The following LAMA4 variants were observed in gnomAD, a reference collection of about 807,000 sequenced individuals.
LAMA4 encodes the protein laminin subunit alpha-4.
Under a neutral mutation model 207.1 loss-of-function variants are expected in LAMA4, and 127 were observed. The ratio of observed to expected loss-of-function variants is 0.61; its 90% CI spans 0.53 to 0.71. The LOEUF is 0.71. Ranked by LOEUF, LAMA4 falls within the 30% of genes least tolerant of loss-of-function variation. LAMA4 has a pLI of 0.00. For synonymous variants in LAMA4, 761 were observed against 816.0 expected, an observed-to-expected ratio of 0.93 and a Z score of 1.15; for missense variants, 2,093 against 2,246.5, an observed-to-expected ratio of 0.93 and a Z score of 1.38.
intron 27 of LAMA4, 117 bp downstream of exon 27, chr6:112,133,232 G>T: frequency 9.3e-7 from 1 of 1,079,620 alleles, no homozygotes; most frequent in Non-Finnish European, 1.4e-6. Flanking sequence ...TCTGGTGGTG[G>T]CAGAAAGGAA....
intron 3 of LAMA4, among the ~76,000 whole-genome samples, chr6:112,207,929 C>G (rs918299174): frequency 6.6e-6 from 1 of 152,192 alleles, no homozygotes; most frequent in Non-Finnish European, 1.5e-5. Flanking sequence ...AGCCTCATCA[C>G]CCCTCCCCAA....
At chr6:112,198,206 G>A (rs782346251) in intron 5 of LAMA4, among the ~76,000 whole-genome samples, 4 of 152,134 alleles carry the variant, frequency 2.6e-5, no homozygotes, top group Non-Finnish European at 5.9e-5. Context: ...AGTGGGTGGT[G>A]AAGGGGAGTT....
At chr6:112,130,946 A>C (rs1554329513) in intron 29 of LAMA4, 22 bp downstream of exon 29, 1 of 1,611,346 alleles carries the variant, frequency 6.2e-7, no homozygotes, top group Non-Finnish European at 8.5e-7. Context: ...TGGTGGAAAG[A>C]ATATGAAGTG....
At chr6:112,177,700 C>T (rs1782107467) in intron 10 of LAMA4, among the ~76,000 whole-genome samples, 1 of 152,172 alleles carries the variant, frequency 6.6e-6, no homozygotes, top group South Asian at 2.1e-4. Context: ...TTTGGGAAAG[C>T]CCATCATAGA....
intron 24 of LAMA4, among the ~76,000 whole-genome samples, chr6:112,136,917 T>C (rs1779388987): frequency 6.6e-6 from 1 of 152,192 alleles, no homozygotes; most frequent in African/African-American, 2.4e-5. Context: ...TAGGAAACTT[T>C]TAAAAATTAT....
At chr6:112,249,234 G>C (rs1164218706) in intron 2 of LAMA4, among the ~76,000 whole-genome samples, 2 of 152,106 alleles carry the variant, frequency 1.3e-5, no homozygotes, top group East Asian at 3.9e-4. Flanking sequence ...CATAAGGTCA[G>C]GTGATAGAGA....
At chr6:112,138,261 T>C (rs566480722) in intron 24 of LAMA4, among the ~76,000 whole-genome samples, 1 of 152,306 alleles carries the variant, frequency 6.6e-6, no homozygotes, top group African/African-American at 2.4e-5. Context: ...AAGACAACCT[T>C]TGCCACTTGG....
At position 112,139,904 on chromosome 6, in the gene LAMA4, A is replaced by G; in HGVS notation, c.2977-19T>C. 2 of 1,613,724 alleles carry G rather than the reference A, an allele frequency of 1.2e-6. No homozygotes were observed. Among genetic ancestry groups the G allele is most frequent in the Middle Eastern group, 1.7e-4 (1 of 6,060 alleles). On this transcript the variant is annotated intron_variant, in intron 22 of 38. Transcript: ENST00000230538. ...TAGGGAGCTATGCAATAGAAAAAGT[A>G]AAACCACTTGTCTCATGGTCATATT...
intron 17 of LAMA4, among the ~76,000 whole-genome samples, chr6:112,149,720 A>G (rs1245999573): frequency 1.3e-5 from 2 of 152,156 alleles, no homozygotes; most frequent in Admixed American, 6.5e-5. Flanking sequence ...TATGTTGAAC[A>G]CTTAGGACAA....
At chr6:112,233,084 A>G (rs906242984) in intron 2 of LAMA4, among the ~76,000 whole-genome samples, 6 of 152,348 alleles carry the variant, frequency 3.9e-5, no homozygotes, top group Non-Finnish European at 7.3e-5. Flanking sequence ...TTTTAGCTTA[A>G]AAGGCATTCT....
chr6:112,168,509 C>T (rs1583781503), intron 12 of LAMA4, among the ~76,000 whole-genome samples: 1 of 151,846 alleles, frequency 6.6e-6, no homozygotes, highest in Non-Finnish European at 1.5e-5. Flanking sequence ...CCATGCCCAG[C>T]TAATTTTTGT....
chr6:112,253,499 T>C, intron 2 of LAMA4: 1 of 423,560 alleles, frequency 2.4e-6, no homozygotes, highest in Non-Finnish European at 4.4e-6. Flanking sequence ...CCTTCCCTGC[T>C]GCAGAAGACT....
In LAMA4 at chr6:112,172,676, G is replaced by A. The variant is rs1332788334; in HGVS notation, c.1486C>T (p.Leu496Phe). ...TCTTCGGCATCCCTGACATAGTTAA[G>A]GGCCTGGTCAAGTGCTTCCTGGAGA... ...SDLQEALDQA[L>F]NYVRDAEDMN... Residue 496 changes from leucine to phenylalanine, a missense_variant, in exon 12 of 39, where the codon CTT (leucine) becomes TTT (phenylalanine). Physicochemically the swap from Leu to Phe is conservative, Grantham distance 22. Coordinates refer to ENST00000230538, the MANE Select transcript of LAMA4 (RefSeq NM_001105206.3). 2.5e-6 allele frequency: 4 copies of A among 1,613,732 alleles called. No homozygotes were observed. In the African/African-American group the frequency reaches 5.3e-5, roughly 22 times the overall value.
intron 2 of LAMA4, chr6:112,253,729 C>T: frequency 1.2e-6 from 2 of 1,611,878 alleles, no homozygotes; most frequent in Non-Finnish European, 1.7e-6. Context: ...GCACTCTCAC[C>T]CCTTTGAGCA....
Position 112,207,123 on chromosome 6 carries a change from C to T in LAMA4, c.320G>A (p.Gly107Glu), listed in dbSNP as rs782122726. 4 of 1,613,998 alleles carry T rather than the reference C, an allele frequency of 2.5e-6. No individual in the cohort carries two copies. The highest frequency in any genetic ancestry group is 8.5e-7 in the Non-Finnish European group (1 of 1,179,964). Residue 107 changes from glycine to glutamate, a missense_variant, in exon 4 of 39, where the codon GGA (glycine) becomes GAA (glutamate). Physicochemically the swap from Gly to Glu is moderately conservative, Grantham distance 98 (BLOSUM62 -2). Coordinates refer to ENST00000230538, the MANE Select transcript of LAMA4 (RefSeq NM_001105206.3). Reference protein sequence around the residue: ...YCVHCQRNTTGEHCEKCLDGY... With the variant: ...YCVHCQRNTTEEHCEKCLDGY... ...ATCCAGACACTTTTCACAGTGCTCT[C>T]CTGTTGTGTTCCGCTGGCAGTGCTA... is the stretch of plus-strand genomic sequence containing the variant.
At chr6:112,144,687 G>T (rs1562657335) in intron 19 of LAMA4, 107 bp downstream of exon 19, 6 of 1,295,694 alleles carry the variant, frequency 4.6e-6, no homozygotes, top group Non-Finnish European at 4.4e-6. Context: ...TACTGAGTTG[G>T]AGAATACAGC....
chr6:112,129,267 CT>C (rs1778886162), intron 30 of LAMA4, among the ~76,000 whole-genome samples, 192 bp from the exon 31 acceptor site: 1 of 151,912 alleles, frequency 6.6e-6, no homozygotes. Context: ...AACATTCAAC[CT>C]GTTAATAACT....
intron 2 of LAMA4, among the ~76,000 whole-genome samples, chr6:112,251,083 G>T (rs1394863327): frequency 6.6e-6 from 1 of 152,170 alleles, no homozygotes; most frequent in African/African-American, 2.4e-5. Context: ...AAAGGACTCA[G>T]TAGATTAAGT....
rs782065771 is a variant in LAMA4 at position 112,195,198 on chromosome 6, T to C, written c.504-3348A>G. Among the ~76,000 whole-genome samples the C allele has an allele frequency of 6.6e-5, 10 of 152,236 alleles. No homozygotes were observed. The South Asian group carries it at 8.3e-4, about 13-fold the overall frequency. ...CTCAGAAACCTTTCTGGGAGGGATG[T>C]CACTCTGTAGCTGTCTTTGGGATTA... On this transcript the variant is annotated intron_variant, in intron 5 of 38. Coordinates refer to ENST00000230538, the MANE Select transcript of LAMA4 (RefSeq NM_001105206.3).
Sources: gnomAD v4.1 joint callset for allele counts (sites outside exome capture counted in the v4.1 genomes callset) on GRCh38, gnomAD v4.1.1 for gene constraint, MANE v1.5 for transcripts, NCBI Gene and HGNC (gene_info 2026-07-23, HGNC 2026-07-21) for gene names.